The following KIF1A variants were observed in gnomAD, a reference collection of about 807,000 sequenced individuals.
The protein encoded by KIF1A is kinesin-like protein KIF1A.
KIF1A carries 46 observed loss-of-function variants against 227.3 expected under a neutral mutation model. That is an observed-to-expected ratio of 0.20 (90% CI 0.16 to 0.26). The LOEUF is 0.26. Among genes scored for constraint, KIF1A ranks in the 10% least tolerant of loss-of-function variants. The pLI is 1.00. For synonymous variants in KIF1A, 1,022 were observed against 1,012.8 expected (o/e 1.01, Z -0.17); for missense variants, 1,683 against 2,485.9 (o/e 0.68, Z 6.87).
At position 240,740,070 on chromosome 2, in the gene KIF1A, C is replaced by T. The variant is rs1264871534; in HGVS notation, c.3889G>A (p.Glu1297Lys). The T allele has an allele frequency of 2.5e-6, 4 of 1,585,334 alleles. No individual in the cohort carries two copies. Among genetic ancestry groups the T allele is most frequent in the Non-Finnish European group, 3.4e-6 (4 of 1,166,232 alleles). ...ACACCGCACTCACCCACGACCAGCT[C>T]GCGCACTTCCTTCCAGCGGATATGG... is the stretch of plus-strand genomic sequence containing the variant. Reference protein sequence around the residue: ...GSHIRWKEVRELVVGRIRNTP... With the variant: ...GSHIRWKEVRKLVVGRIRNTP... Residue 1297 changes from glutamate (E) to lysine (K), a missense_variant, in exon 37 of 49, where the codon GAG becomes AAG. Physicochemically the swap from Glu to Lys is moderately conservative, Grantham distance 56. This residue lies in a region of KIF1A where 759 missense variants were observed against 1,020.2 expected (regional missense o/e 0.74). Coordinates refer to ENST00000498729, the MANE Select transcript of KIF1A (RefSeq NM_001244008.2). The surrounding 1 kb of genome is among the most constrained non-coding windows in gnomAD (Gnocchi z 6.1).
chr2:240,800,788 T>G (rs957178250), intron 1 of KIF1A, among the ~76,000 whole-genome samples: 3 of 152,206 alleles, frequency 2.0e-5, no homozygotes, highest in African/African-American at 4.8e-5. Context: ...GAACAAAGAT[T>G]TGAGTTCAGG....
At chr2:240,807,932 A>G (rs6723544) in intron 1 of KIF1A, among the ~76,000 whole-genome samples, 64,049 of 151,758 alleles carry the variant, frequency 0.42, 14,634 homozygotes, top group South Asian at 0.57. Context: ...CTAAAAAAGC[A>G]TTCCATAATT....
intron 22 of KIF1A, 95 bp downstream of exon 22, chr2:240,762,924 G>C: frequency 7.2e-7 from 1 of 1,390,540 alleles, no homozygotes; most frequent in Non-Finnish European, 9.7e-7. Context: ...CAAGAGATGG[G>C]GCCAGGCAAG....
At chr2:240,807,128 G>GTATATATATATATATA (rs1187764562) in intron 1 of KIF1A, among the ~76,000 whole-genome samples, 31 of 91,046 alleles carry the variant, frequency 3.4e-4, no homozygotes, top group African/African-American at 1.3e-3. Flanking sequence ...GTGTGTGTGT[G>GTATATATATATATATA]TGTATATATA....
At chr2:240,734,007 C>G (rs938483777) in intron 38 of KIF1A, among the ~76,000 whole-genome samples, 1 of 152,190 alleles carries the variant, frequency 6.6e-6, no homozygotes, top group Non-Finnish European at 1.5e-5. Flanking sequence ...TCACTGCAGC[C>G]GGGGAAAAGG....
chr2:240,777,932 G>A (rs2052995776), intron 10 of KIF1A, among the ~76,000 whole-genome samples: 1 of 152,162 alleles, frequency 6.6e-6, no homozygotes, highest in Non-Finnish European at 1.5e-5. Flanking sequence ...ACAGTCACGC[G>A]GTTCCCACGC....
intron 6 of KIF1A, 31 bp from the exon 7 acceptor site, chr2:240,785,131 C>T (rs761172719): frequency 2.1e-5 from 33 of 1,568,086 alleles, no homozygotes; most frequent in Admixed American, 3.4e-5. Context: ...CACGGTTACC[C>T]CTCGTCCTGT....
At chr2:240,816,386 T>G (rs1213621852) in intron 1 of KIF1A, among the ~76,000 whole-genome samples, 2 of 151,916 alleles carry the variant, frequency 1.3e-5, no homozygotes, top group East Asian at 1.9e-4. Flanking sequence ...TGTGGATCTG[T>G]GTGTGTTCGA....
intron 10 of KIF1A, chr2:240,782,171 C>T (rs1347549761): frequency 1.0e-6 from 1 of 985,384 alleles, no homozygotes; most frequent in Non-Finnish European, 1.2e-6. Context: ...CCACACGCGC[C>T]CGCCTCCCCC....
At position 240,739,917 on chromosome 2, in the gene KIF1A, C is replaced by T; in HGVS notation, c.3901+141G>A. 3 of 652,546 alleles carry T rather than the reference C, an allele frequency of 4.6e-6. No individual in the cohort carries two copies. Among genetic ancestry groups the T allele is most frequent in the Non-Finnish European group, 8.2e-6 (3 of 365,298 alleles). The allele number at this position is 652,546 out of a possible 1,614,324, so 40.4% of individuals were successfully genotyped here. ...CCTTTTCAGGTGAGGAAGTGAGTCA[C>T]AGAGAGATTATGTGACCCGGCCAGG... On this transcript the variant is annotated intron_variant, in intron 37 of 48. Coordinates refer to ENST00000498729, the MANE Select transcript of KIF1A (RefSeq NM_001244008.2). This position sits in a 1 kb window ranked among gnomAD's most constrained non-coding sequence, Gnocchi z 5.6.
chr2:240,725,055 G>A lies in KIF1A; in HGVS notation c.4256+216C>T, dbSNP rs1375877720. On this transcript the variant is annotated intron_variant, in intron 40 of 48. Coordinates refer to ENST00000498729, the MANE Select transcript of KIF1A (RefSeq NM_001244008.2). The surrounding 1 kb of genome is among the most constrained non-coding windows in gnomAD (Gnocchi z 5.8). ...GCTGGCCCTCAAGTCCCTCATAGTGGTGTCAGTGTCCCCTGCAGGAACCAT... is the reference window on the plus strand; with the variant it reads ...GCTGGCCCTCAAGTCCCTCATAGTGATGTCAGTGTCCCCTGCAGGAACCAT... 6.8e-6 allele frequency among the ~76,000 whole-genome samples: 1 copy of A among 148,104 alleles called. No individual in the cohort carries two copies. Among genetic ancestry groups the A allele is most frequent in the East Asian group, 2.0e-4 (1 of 5,060 alleles).
rs1298428652 is a variant in KIF1A, at chr2:240,775,943, T to C, written c.883-17A>G. The C allele has an allele frequency of 1.3e-6, 2 of 1,574,210 alleles. No individual in the cohort carries two copies. Among genetic ancestry groups the C allele is most frequent in the South Asian group, 2.2e-5 (2 of 90,200 alleles). ...TTTCTTGTTCTGTGGGGGAGGAACATTCAAGGTCAAGCCCGAGCCCACTGC... is the reference window on the plus strand; with the variant it reads ...TTTCTTGTTCTGTGGGGGAGGAACACTCAAGGTCAAGCCCGAGCCCACTGC... On this transcript the variant is annotated splice_polypyrimidine_tract_variant and intron_variant, in intron 10 of 48. Transcript: ENST00000498729. This position sits in a 1 kb window ranked among gnomAD's most constrained non-coding sequence, Gnocchi z 5.5.
At chr2:240,748,782 G>C in intron 28 of KIF1A, 1 of 208,366 alleles carries the variant, frequency 4.8e-6, no homozygotes, top group East Asian at 1.9e-4. Context: ...GACATGGCCA[G>C]TGGGAGGTGC....
At position 240,770,666 on chromosome 2, in the gene KIF1A, A is replaced by G. The variant is rs2288752; in HGVS notation, c.1341+305T>C. On this transcript the variant is annotated intron_variant, in intron 15 of 48. Transcript: ENST00000498729. ...TCCCTTGTCCAGGCTTGGCATGGGTAGGGGCACAGGCCATCCAGACACCCA... is the reference window on the plus strand; with the variant it reads ...TCCCTTGTCCAGGCTTGGCATGGGTGGGGGCACAGGCCATCCAGACACCCA... Among the ~76,000 whole-genome samples, 72,529 of 152,162 alleles carry G rather than the reference A, an allele frequency of 0.48. 19,437 individuals carry two copies. Among genetic ancestry groups the G allele is most frequent in the African/African-American group, 0.73 (30,510 of 41,530 alleles).
intron 17 of KIF1A, among the ~76,000 whole-genome samples, chr2:240,768,785 G>T (rs1485495266): frequency 6.6e-6 from 1 of 152,192 alleles, no homozygotes; most frequent in Non-Finnish European, 1.5e-5. Flanking sequence ...TCTGTGAGCA[G>T]CCCAGGCTCC....
chr2:240,724,264 G>A lies in KIF1A; in HGVS notation c.4257-228C>T, dbSNP rs565275668. 5.1e-4 allele frequency: 293 copies of A among 579,022 alleles called. 7 individuals carry two copies. The South Asian group carries it at 5.6e-3, about 11-fold the overall frequency. 35.9% of individuals were successfully genotyped at this position (579,022 alleles called of 1,614,324 possible). On this transcript the variant is annotated intron_variant, in intron 40 of 48. Transcript: ENST00000498729. The stretch of plus-strand genomic sequence containing the variant: ...CTGGTCTTGCTCAGGTGCCCATGGG[G>A]CTGTGACGTGAGGCCAGGCCCCCAC...
In KIF1A at chr2:240,778,032, C is replaced by G. The variant is rs111856204; in HGVS notation, c.883-2106G>C. Among the ~76,000 whole-genome samples, 9 of 152,296 alleles carry G rather than the reference C, an allele frequency of 5.9e-5. No homozygotes were observed. The highest frequency in any genetic ancestry group is 2.2e-4 in the African/African-American group (9 of 41,574). ...CCCGCACGGTTCCCACGCGGCTGCT[C>G]GCAGCTCACCACACAGTTCCTCAGC... On this transcript the variant is annotated intron_variant, in intron 10 of 48. Transcript: ENST00000498729. The surrounding 1 kb of genome is among the most constrained non-coding windows in gnomAD (Gnocchi z 7.2).
At chr2:240,811,575 A>T (rs543280410) in intron 1 of KIF1A, among the ~76,000 whole-genome samples, 1 of 152,258 alleles carries the variant, frequency 6.6e-6, no homozygotes, top group African/African-American at 2.4e-5. Flanking sequence ...GACACAGCAC[A>T]TGCCAGAGCC....
chr2:240,722,504 T>C lies in KIF1A; in HGVS notation c.4617A>G (p.Pro1539=), dbSNP rs984178501. ...TCTCGTTGGGAGCCTCCAGGGGTGA[T>C]GGGCGGCCCTCAGCCGAGAGCGGGG... ...ASSPLSAEGR[P]SPLEAPNERQ... Residue 1539 remains proline (P), a synonymous_variant, in exon 43 of 49, where the codon CCA becomes CCG. Coordinates refer to ENST00000498729, the MANE Select transcript of KIF1A (RefSeq NM_001244008.2). 1.3e-6 allele frequency: 2 copies of C among 1,547,250 alleles called. No homozygotes were observed. Among genetic ancestry groups the C allele is most frequent in the East Asian group, 2.4e-5 (1 of 40,952 alleles).
Sources: allele counts gnomAD v4.1 joint callset (sites outside exome capture counted in the v4.1 genomes callset), GRCh38; gene constraint gnomAD v4.1.1; regional missense constraint gnomAD v4.1.1; non-coding constraint Gnocchi (gnomAD v3.1); transcripts MANE v1.5; gene names NCBI Gene and HGNC (gene_info 2026-07-23, HGNC 2026-07-21).